The following FRYL variants were observed in gnomAD, a reference collection of about 807,000 sequenced individuals.
FRYL encodes protein furry homolog-like.
Under a neutral mutation model 351.2 loss-of-function variants are expected in FRYL, and 150 were observed. The observed-to-expected ratio is 0.43, with a 90% CI of 0.37 to 0.49. The LOEUF (loss-of-function observed/expected upper bound fraction) is 0.49. FRYL is among the 20% of genes least tolerant of loss of function. The pLI is 0.00. For missense variants in FRYL, 3,036 were observed against 3,619.3 expected, an observed-to-expected ratio of 0.84 and a Z score of 4.13; for synonymous variants, 1,153 against 1,257.1, an observed-to-expected ratio of 0.92 and a Z score of 1.75.
At chr4:48,655,316 CTGT>C (rs1758605237) in intron 3 of FRYL, among the ~76,000 whole-genome samples, 1 of 152,050 alleles carries the variant, frequency 6.6e-6, no homozygotes. Context: ...TACCACAATA[CTGT>C]TGTTTGGATA....
chr4:48,779,657 G>C (rs887259568), intron 1 of FRYL, among the ~76,000 whole-genome samples: 27 of 151,944 alleles, frequency 1.8e-4, no homozygotes, highest in Non-Finnish European at 3.2e-4. Context: ...CCCGCGGGGC[G>C]GCTCCCGCGA....
In FRYL at chr4:48,651,522, A is replaced by G. The variant is rs564723066; in HGVS notation, c.-80-17032T>C. Reference sequence around the variant, plus strand: ...GGACTCTCAGTCTGTTTTATGTATAACAGTCATTTGGTAAGTCACAGTGCA... The same window carrying G: ...GGACTCTCAGTCTGTTTTATGTATAGCAGTCATTTGGTAAGTCACAGTGCA... On this transcript the variant is annotated intron_variant, in intron 3 of 63. Coordinates refer to ENST00000358350, the MANE Select transcript of FRYL (RefSeq NM_015030.2). 6.6e-5 allele frequency among the ~76,000 whole-genome samples: 10 copies of G among 152,176 alleles called. No individual in the cohort carries two copies. In the East Asian group the frequency reaches 1.9e-3, roughly 29 times the overall value.
intron 1 of FRYL, among the ~76,000 whole-genome samples, chr4:48,745,080 C>T (rs116155966): frequency 2.4e-4 from 37 of 152,130 alleles, no homozygotes; most frequent in Non-Finnish European, 4.1e-4. Flanking sequence ...ATAGATAGTC[C>T]AAGAGGGCTT....
Position 48,573,337 on chromosome 4 carries a change from T to C in FRYL, c.2847-94A>G, listed in dbSNP as rs1738790833. ...AAAACATGATGTAAACTGACAAGTG[T>C]TAATTCCAATCCTACTGTTTTAAAC... On this transcript the variant is annotated intron_variant, in intron 25 of 63. Coordinates refer to ENST00000358350, the MANE Select transcript of FRYL (RefSeq NM_015030.2). The C allele has an allele frequency of 3.8e-6, 3 of 790,350 alleles. No individual in the cohort carries two copies. In the South Asian group the frequency reaches 4.9e-5, roughly 13 times the overall value. 49.0% of individuals were successfully genotyped at this position (790,350 alleles called of 1,614,324 possible). A position where few individuals can be genotyped will look rare whatever the true frequency, so the allele number is the denominator to read the frequency against.
At chr4:48,729,782 G>C (rs531135536) in intron 1 of FRYL, among the ~76,000 whole-genome samples, 2 of 152,274 alleles carry the variant, frequency 1.3e-5, no homozygotes, top group South Asian at 4.1e-4. Context: ...CAAAGATGGA[G>C]AGAAGCCACA....
chr4:48,715,462 A>G (rs1469877604), intron 1 of FRYL, among the ~76,000 whole-genome samples: 5 of 151,890 alleles, frequency 3.3e-5, no homozygotes, highest in Non-Finnish European at 5.9e-5. Context: ...AATCACAAGC[A>G]TTCTTATACA....
chr4:48,584,635 T>C (rs1239889445), intron 19 of FRYL, among the ~76,000 whole-genome samples: 5 of 152,234 alleles, frequency 3.3e-5, no homozygotes, highest in Non-Finnish European at 5.9e-5. Context: ...TCCATGAATA[T>C]GTAAATATCT....
At position 48,544,860 on chromosome 4, in the gene FRYL, T is replaced by C. The variant is rs1474088123; in HGVS notation, c.5324A>G (p.Asn1775Ser). The change falls in exon 43 of 64, where the codon AAT becomes AGT. Residue 1775 changes from asparagine to serine, a missense_variant. Physicochemically the swap from Asn to Ser is conservative, Grantham distance 46. Around this residue, in one of 7 missense-constraint regions of FRYL, gnomAD observed 1,987 missense variants for 2,311.7 expected, o/e 0.86. Coordinates refer to ENST00000358350, the MANE Select transcript of FRYL (RefSeq NM_015030.2). The stretch of plus-strand genomic sequence containing the variant: ...CTGTTCAGCACTCTTTATGCTAGGA[T>C]TCTTGGCAGAAACATCCTCATGGTT... ...LWNHEDVSAK[N>S]PSIKSAEQLT... 1 of 1,609,488 alleles carries C rather than the reference T, an allele frequency of 6.2e-7. No individual in the cohort carries two copies. The highest frequency in any genetic ancestry group is 1.1e-5 in the South Asian group (1 of 89,952).
At chr4:48,595,277 T>C (rs1232690098) in intron 15 of FRYL, among the ~76,000 whole-genome samples, 1 of 152,236 alleles carries the variant, frequency 6.6e-6, no homozygotes, top group Non-Finnish European at 1.5e-5. Context: ...CAGTGGAATC[T>C]ATTATCAGTA....
intron 3 of FRYL, among the ~76,000 whole-genome samples, chr4:48,649,337 C>T (rs1757184084): frequency 6.6e-6 from 1 of 152,046 alleles, no homozygotes; most frequent in African/African-American, 2.4e-5. Context: ...CTTAACATAC[C>T]ATATCTTATT....
chr4:48,606,642 TA>T, intron 9 of FRYL, 36 bp from the exon 10 acceptor site: 1 of 1,509,116 alleles, frequency 6.6e-7, no homozygotes. Context: ...TGATTTGAAT[TA>T]AAAACACTAA....
intron 3 of FRYL, among the ~76,000 whole-genome samples, chr4:48,636,527 A>G (rs1182094712): frequency 6.6e-6 from 1 of 151,978 alleles, no homozygotes; most frequent in Non-Finnish European, 1.5e-5. Context: ...ACAAAGAAAA[A>G]AACTTTACTT....
intron 3 of FRYL, among the ~76,000 whole-genome samples, chr4:48,652,857 A>C (rs1758006293): frequency 6.6e-6 from 1 of 152,216 alleles, no homozygotes; most frequent in Non-Finnish European, 1.5e-5. Flanking sequence ...AAAAACAACC[A>C]GGTTCTATTC....
At chr4:48,630,765 G>A (rs1326681693) in intron 4 of FRYL, among the ~76,000 whole-genome samples, 1 of 152,074 alleles carries the variant, frequency 6.6e-6, no homozygotes, top group Non-Finnish European at 1.5e-5. Flanking sequence ...GAATGAAAAA[G>A]CCAATTCTCT....
intron 1 of FRYL, among the ~76,000 whole-genome samples, chr4:48,714,579 T>C (rs1164942235): frequency 6.7e-6 from 1 of 149,150 alleles, no homozygotes; most frequent in Non-Finnish European, 1.5e-5. Flanking sequence ...CAGGAAGAAG[T>C]TGAATCTCTG....
At chr4:48,510,714 T>C in intron 58 of FRYL, 121 bp downstream of exon 58, 1 of 786,662 alleles carries the variant, frequency 1.3e-6, no homozygotes, top group Non-Finnish European at 2.2e-6. Context: ...CACATATTTA[T>C]AATCATGTTG....
intron 3 of FRYL, among the ~76,000 whole-genome samples, chr4:48,674,736 CAAAA>C (rs58696045): frequency 2.5e-4 from 14 of 55,786 alleles, no homozygotes; most frequent in Admixed American, 9.2e-4. Flanking sequence ...GACTCTGTCT[CAAAA>C]AAAAAAAAAA....
At chr4:48,777,061 T>C (rs929564397) in intron 1 of FRYL, among the ~76,000 whole-genome samples, 10 of 152,172 alleles carry the variant, frequency 6.6e-5, no homozygotes, top group Non-Finnish European at 1.3e-4. Context: ...ACAAAAACTA[T>C]TTAGAGCAAG....
chr4:48,676,606 T>C (rs1578683487), intron 3 of FRYL, among the ~76,000 whole-genome samples: 1 of 151,514 alleles, frequency 6.6e-6, no homozygotes, highest in East Asian at 1.9e-4. Context: ...TTAGCCAGGA[T>C]GGTCTCAATC....
Sources: allele counts gnomAD v4.1 joint callset (sites outside exome capture counted in the v4.1 genomes callset), GRCh38; gene constraint gnomAD v4.1.1; regional missense constraint gnomAD v4.1.1; transcripts MANE v1.5; gene names NCBI Gene and HGNC (gene_info 2026-07-23, HGNC 2026-07-21).